NDE1: variants seen among roughly 807,000 people sequenced by gnomAD.
The protein encoded by NDE1 is nuclear distribution protein nudE homolog 1.
Under a neutral mutation model 43.4 loss-of-function variants are expected in NDE1, and 28 were observed. That is an observed-to-expected ratio of 0.65 (90% CI 0.48 to 0.89). The LOEUF (loss-of-function observed/expected upper bound fraction) is 0.89, where lower values mean the gene tolerates loss of function less well. NDE1 is among the 40% of genes least tolerant of loss of function. NDE1 has a pLI of 0.00. For missense variants in NDE1, 441 were observed against 434.1 expected (o/e 1.02, Z -0.14); for synonymous variants, 184 against 172.0 (o/e 1.07, Z -0.55).
intron 1 of NDE1, 140 bp from the exon 2 acceptor site, chr16:15,664,596 C>T (rs912460615): frequency 1.7e-6 from 1 of 603,330 alleles, no homozygotes; most frequent in African/African-American, 1.9e-5. Context: ...ACCTCGTGAT[C>T]CGCCCGCCTC....
chr16:15,671,118 C>T (rs997896537), intron 3 of NDE1, among the ~76,000 whole-genome samples: 7 of 152,150 alleles, frequency 4.6e-5, no homozygotes, highest in African/African-American at 1.4e-4. Flanking sequence ...TCCACCACCA[C>T]CTAGGCTCTA....
chr16:15,679,802 A>G lies in NDE1; in HGVS notation c.386+1853A>G, dbSNP rs567055280. On this transcript the variant is annotated intron_variant, in intron 4 of 8. Transcript: ENST00000396354. ...TTTTTGTTTTTGTTTTTGTTTTAAG[A>G]CAGTCTTGCTCTGTCGCCCAGGCTG... Among the ~76,000 whole-genome samples the G allele has an allele frequency of 3.3e-5, 5 of 152,178 alleles. No individual in the cohort carries two copies. In the South Asian group the frequency reaches 1.0e-3, roughly 32 times the overall value.
chr16:15,717,110 A>T, intron 8 of NDE1: 1 of 1,612,192 alleles, frequency 6.2e-7, no homozygotes, highest in East Asian at 2.2e-5. Flanking sequence ...CCCCCCTGCA[A>T]ACTGGGTTCG....
chr16:15,696,553 G>A (rs1226981689), intron 7 of NDE1, among the ~76,000 whole-genome samples, 156 bp from the exon 8 acceptor site: 1 of 152,138 alleles, frequency 6.6e-6, no homozygotes, highest in Non-Finnish European at 1.5e-5. Context: ...TCTGAGACTG[G>A]CATATACGTT....
intron 3 of NDE1, among the ~76,000 whole-genome samples, chr16:15,675,607 C>T (rs1308263806): frequency 1.3e-5 from 2 of 151,780 alleles, no homozygotes; most frequent in South Asian, 2.1e-4. Context: ...TGGCTGTTTT[C>T]ACATTTTTTG....
chr16:15,719,795 C>T, intron 8 of NDE1: 1 of 1,582,992 alleles, frequency 6.3e-7, no homozygotes, highest in Non-Finnish European at 8.6e-7. Flanking sequence ...TGCACACCCA[C>T]CCCTTGGATT....
intron 4 of NDE1, among the ~76,000 whole-genome samples, chr16:15,680,126 G>C (rs2038098335): frequency 6.6e-6 from 1 of 152,108 alleles, no homozygotes; most frequent in Admixed American, 6.6e-5. Flanking sequence ...GTTTTCTTAG[G>C]TGGTTTACTT....
chr16:15,690,337 CTTTTTTTTTTTTTTTCTT>C (rs1176838101), intron 5 of NDE1, among the ~76,000 whole-genome samples: 4 of 74,108 alleles, frequency 5.4e-5, no homozygotes, highest in Admixed American at 1.8e-4. Flanking sequence ...TGCAACTGGC[CTTTTTTTTTTTTTTTCTT>C]TTTTTTTTTT....
At chr16:15,692,519 C>T (rs1478503439) in intron 6 of NDE1, among the ~76,000 whole-genome samples, 1 of 151,914 alleles carries the variant, frequency 6.6e-6, no homozygotes, top group Non-Finnish European at 1.5e-5. Flanking sequence ...AAGTGATTCT[C>T]CTGCCTCAGC....
intron 8 of NDE1, chr16:15,715,359 G>T: frequency 2.5e-6 from 3 of 1,207,270 alleles, no homozygotes; most frequent in East Asian, 4.7e-5. Flanking sequence ...CATCTTGAGT[G>T]CTTTCCTGAG....
rs1287129084 is a variant in NDE1 at position 15,717,226 on chromosome 16, C to T, written c.948-6965C>T. On this transcript the variant is annotated intron_variant, in intron 8 of 8. Transcript: ENST00000396354. ...TGGACTTGAACTTGGACTTGACGGC[C>T]CCCTCCATCTCGTGGAGCTTGCTCC... is the stretch of plus-strand genomic sequence containing the variant. The T allele has an allele frequency of 6.2e-7, 1 of 1,614,202 alleles. No individual in the cohort carries two copies.
intron 5 of NDE1, among the ~76,000 whole-genome samples, chr16:15,690,353 C>CTTTTTTTTTTTTTTTTTTTTTTT (rs869069843): frequency 2.1e-4 from 17 of 80,986 alleles, no homozygotes; most frequent in African/African-American, 4.6e-4. Flanking sequence ...TTTTTTTTTT[C>CTTTTTTTTTTTTTTTTTTTTTTT]TTTTTTTTTT....
At chr16:15,721,297 T>A (rs1478799497) in intron 8 of NDE1, 9 of 1,188,574 alleles carry the variant, frequency 7.6e-6, no homozygotes, top group South Asian at 2.6e-5. Context: ...TCCAAAAACC[T>A]CCTTCCATTT....
At chr16:15,654,602 C>CAAAAAAA (rs200126051) in intron 1 of NDE1, among the ~76,000 whole-genome samples, 2 of 75,602 alleles carry the variant, frequency 2.6e-5, no homozygotes, top group Non-Finnish European at 4.8e-5. Flanking sequence ...GATTCCGACT[C>CAAAAAAA]AAAAAAAAAA....
At chr16:15,715,274 T>G in intron 8 of NDE1, 2 of 1,614,058 alleles carry the variant, frequency 1.2e-6, no homozygotes, top group Non-Finnish European at 1.7e-6. Flanking sequence ...TGTTTCTCTC[T>G]GCAAACAGCA....
At chr16:15,672,561 C>T (rs905009702) in intron 3 of NDE1, 3 of 152,150 alleles carry the variant, frequency 2.0e-5, no homozygotes, top group African/African-American at 7.2e-5. Context: ...TTATTCATCA[C>T]GGGTTGAATG....
intron 6 of NDE1, among the ~76,000 whole-genome samples, chr16:15,691,630 C>T (rs1438802057): frequency 7.8e-6 from 1 of 128,644 alleles, no homozygotes; most frequent in African/African-American, 3.1e-5. Flanking sequence ...GCCAGAAATC[C>T]TCTTTTTTTT....
upstream of NDE1, among the ~76,000 whole-genome samples, chr16:15,646,709 C>T (rs1303057461): frequency 3.3e-5 from 5 of 151,656 alleles, no homozygotes; most frequent in East Asian, 1.9e-4. Context: ...CTAGCCTGGG[C>T]GACAGAGTGA....
At chr16:15,719,318 A>G in intron 8 of NDE1, 1 of 1,609,040 alleles carries the variant, frequency 6.2e-7, no homozygotes, top group Non-Finnish European at 8.5e-7. Context: ...CCTAGGTGGG[A>G]GGGAGGAAGG....
Sources: gnomAD v4.1 joint callset for allele counts (sites outside exome capture counted in the v4.1 genomes callset) on GRCh38, gnomAD v4.1.1 for gene constraint, MANE v1.5 for transcripts, NCBI Gene and HGNC (gene_info 2026-07-23, HGNC 2026-07-21) for gene names.